Variants in FMNL2 observed in about 807,000 individuals in gnomAD.
The protein encoded by FMNL2 is formin-like protein 2.
Under a neutral mutation model 130.2 loss-of-function variants are expected in FMNL2, and 51 were observed. The ratio of observed to expected loss-of-function variants is 0.39; its 90% confidence interval spans 0.31 to 0.49. The LOEUF is 0.49. Among genes scored for constraint, FMNL2 ranks in the 20% least tolerant of loss-of-function variants. The pLI is 0.85. For synonymous variants in FMNL2, 465 were observed against 467.1 expected (o/e 1.00, Z 0.06); for missense variants, 977 against 1,316.2 (o/e 0.74, Z 3.99).
At chr2:152,375,692 C>G (rs1030722241) in intron 1 of FMNL2, among the ~76,000 whole-genome samples, 2 of 151,972 alleles carry the variant, frequency 1.3e-5, no homozygotes, top group African/African-American at 4.8e-5. Context: ...TTAGGGAAGA[C>G]TCCTTGAAAA....
At chr2:152,614,253 G>A (rs1274366829) in intron 11 of FMNL2, among the ~76,000 whole-genome samples, 3 of 152,132 alleles carry the variant, frequency 2.0e-5, no homozygotes, top group African/African-American at 7.2e-5. Context: ...CCAATTTCAT[G>A]TATATCAAAA....
At chr2:152,576,393 C>G (rs976658790) in intron 7 of FMNL2, among the ~76,000 whole-genome samples, 3 of 152,060 alleles carry the variant, frequency 2.0e-5, no homozygotes, top group African/African-American at 7.2e-5. Flanking sequence ...GTATATGTTC[C>G]AGATAATAAT....
intron 1 of FMNL2, among the ~76,000 whole-genome samples, chr2:152,435,571 A>G (rs746290496): frequency 1.4e-4 from 22 of 151,820 alleles, no homozygotes; most frequent in Middle Eastern, 3.4e-3. Context: ...ACCTCAGACC[A>G]AGTATAAATG....
At chr2:152,480,414 T>G (rs897405878) in intron 1 of FMNL2, among the ~76,000 whole-genome samples, 1 of 151,928 alleles carries the variant, frequency 6.6e-6, no homozygotes, top group Non-Finnish European at 1.5e-5. Flanking sequence ...ATGGATCACC[T>G]GCGGTCGGAG....
chr2:152,567,381 CAG>C (rs746021091), intron 6 of FMNL2, among the ~76,000 whole-genome samples: 1 of 152,146 alleles, frequency 6.6e-6, no homozygotes, highest in East Asian at 1.9e-4. Context: ...GACGTATAGA[CAG>C]CGTTTCAATG....
intron 4 of FMNL2, among the ~76,000 whole-genome samples, chr2:152,553,454 C>G (rs1268229495): frequency 2.0e-5 from 3 of 151,770 alleles, no homozygotes; most frequent in Non-Finnish European, 2.9e-5. Context: ...AAGTACCTTG[C>G]TCAATTCCAC....
chr2:152,432,395 G>A (rs1209520539), intron 1 of FMNL2, among the ~76,000 whole-genome samples: 3 of 152,138 alleles, frequency 2.0e-5, no homozygotes, highest in Non-Finnish European at 4.4e-5. Flanking sequence ...TTTTCTTAAG[G>A]TCTGATACAC....
intron 10 of FMNL2, among the ~76,000 whole-genome samples, chr2:152,609,182 G>A (rs960597406): frequency 7.2e-5 from 11 of 152,284 alleles, no homozygotes; most frequent in South Asian, 2.1e-4. Flanking sequence ...CTGTCAGTTC[G>A]TTTATTCACA....
intron 1 of FMNL2, among the ~76,000 whole-genome samples, chr2:152,412,459 T>TATA (rs1686358045): frequency 4.0e-3 from 32 of 7,946 alleles, no homozygotes; most frequent in Admixed American, 9.8e-3. Context: ...TATATATATA[T>TATA]ATATATATAT....
At position 152,625,466 on chromosome 2, in the gene FMNL2, G is replaced by C; in HGVS notation, c.1866G>C (p.Thr622=). 1 of 1,610,668 alleles carries C rather than the reference G, an allele frequency of 6.2e-7. No individual in the cohort carries two copies. Among genetic ancestry groups the C allele is most frequent in the Non-Finnish European group, 8.5e-7 (1 of 1,177,098 alleles). The change falls in exon 16 of 26, where the codon ACG becomes ACC. Residue 622 remains threonine (T), a synonymous_variant. Transcript: ENST00000288670. ...TGAAAATTAAGAAGCCAATCAAGACGAAGTTCAGAATGCCAGTGTTTAACT... is the reference window on the plus strand; with the variant it reads ...TGAAAATTAAGAAGCCAATCAAGACCAAGTTCAGAATGCCAGTGTTTAACT... ...AAVKIKKPIK[T]KFRMPVFNWV...
At chr2:152,581,188 T>C (rs1696758569) in intron 9 of FMNL2, 139 bp downstream of exon 9, 2 of 627,200 alleles carry the variant, frequency 3.2e-6, no homozygotes, top group South Asian at 6.1e-5. Flanking sequence ...CTGAGAGGAA[T>C]GTAATGAACT....
rs1681805563 is a variant in FMNL2, at chr2:152,626,624, TCAAA to T, written c.2067_2070del (p.Asn689LysfsTer2). 1 of 1,612,916 alleles carries T rather than the reference TCAAA, an allele frequency of 6.2e-7. No homozygotes were observed. Among genetic ancestry groups the T allele is most frequent in the African/African-American group, 1.3e-5 (1 of 74,864 alleles). On this transcript the variant is annotated frameshift_variant, in exon 17 of 26. Coordinates refer to ENST00000288670, the MANE Select transcript of FMNL2 (RefSeq NM_052905.4). LOFTEE classifies it high-confidence loss of function. ...CAAACAGAAGATACCACAGAAGGGA[TCAAA>T]CAAAGTGACATTACTAGAAGCAAAC...
intron 1 of FMNL2, among the ~76,000 whole-genome samples, chr2:152,462,768 G>A (rs774490163): frequency 9.2e-5 from 14 of 152,174 alleles, no homozygotes; most frequent in Admixed American, 2.6e-4. Context: ...CTTGCTGAAG[G>A]TCACATAGCT....
chr2:152,448,046 C>T (rs1319047135), intron 1 of FMNL2, among the ~76,000 whole-genome samples: 2 of 152,036 alleles, frequency 1.3e-5, no homozygotes, highest in African/African-American at 4.8e-5. Flanking sequence ...ATGTATTACT[C>T]ACAAGCCTGC....
At chr2:152,642,168 C>T (rs1030756850) in intron 25 of FMNL2, among the ~76,000 whole-genome samples, 1 of 152,146 alleles carries the variant, frequency 6.6e-6, no homozygotes, top group Non-Finnish European at 1.5e-5. Context: ...TCTCGATCTC[C>T]TGACCTCGTG....
chr2:152,494,227 A>G (rs942641759), intron 1 of FMNL2, among the ~76,000 whole-genome samples: 1 of 152,192 alleles, frequency 6.6e-6, no homozygotes, highest in African/African-American at 2.4e-5. Context: ...TTCCTTTTGT[A>G]TGGAGAGTGT....
At chr2:152,643,445 C>A in intron 25 of FMNL2, 1 of 1,536,098 alleles carries the variant, frequency 6.5e-7, no homozygotes, top group South Asian at 1.2e-5. Context: ...CTTTACTGCT[C>A]GCACCGCCAA....
At chr2:152,521,186 G>A (rs922176948) in intron 1 of FMNL2, among the ~76,000 whole-genome samples, 3 of 152,172 alleles carry the variant, frequency 2.0e-5, no homozygotes, top group Non-Finnish European at 4.4e-5. Flanking sequence ...TCTTAAAAAT[G>A]TGTATGATTG....
Position 152,348,818 on chromosome 2 carries a change from G to GTTTTTTT in FMNL2, c.117+13119_117+13125dup, listed in dbSNP as rs1244621847. The stretch of plus-strand genomic sequence containing the variant: ...CCAATTGTCTTCTGTGCTTCTAAGG[G>GTTTTTTT]TTTTTTTTTTTTTTTTTTTTTTTTT... On this transcript the variant is annotated intron_variant, in intron 1 of 25. Transcript: ENST00000288670. 9.9e-4 allele frequency among the ~76,000 whole-genome samples: 71 copies of GTTTTTTT among 71,828 alleles called. 7 individuals carry two copies. The highest frequency in any genetic ancestry group is 3.4e-3 in the African/African-American group (56 of 16,294). 47.1% of individuals were successfully genotyped at this position (71,828 alleles called of 152,430 possible). A position where few individuals can be genotyped will look rare whatever the true frequency, so the allele number is the denominator to read the frequency against.
Sources: allele counts gnomAD v4.1 joint callset (sites outside exome capture counted in the v4.1 genomes callset), GRCh38; gene constraint gnomAD v4.1.1; transcripts MANE v1.5; gene names NCBI Gene and HGNC (gene_info 2026-07-23, HGNC 2026-07-21).